The following DCC variants were observed in gnomAD, a reference collection of about 807,000 sequenced individuals.
DCC encodes netrin receptor DCC.
Under a neutral mutation model 172.5 loss-of-function variants are expected in DCC, and 58 were observed. The ratio of observed to expected loss-of-function variants is 0.34; its 90% CI spans 0.27 to 0.42. The LOEUF is 0.42. Ranked by LOEUF, DCC falls within the 10% of genes least tolerant of loss-of-function variation. The pLI is 1.00. For synonymous variants in DCC, 709 were observed against 644.5 expected (o/e 1.10, Z -1.52); for missense variants, 1,740 against 1,791.0 (o/e 0.97, Z 0.51).
At position 52,990,550 on chromosome 18, in the gene DCC, A is replaced by C. The variant is rs1357860271; in HGVS notation, c.985+65180A>C. ...AGCAAAACTCCATCCCAAAAAAAAAAAAAAAAAAAAAAAAAAGCAAAGCTC... is the reference window on the plus strand; with the variant it reads ...AGCAAAACTCCATCCCAAAAAAAAACAAAAAAAAAAAAAAAAGCAAAGCTC... On this transcript the variant is annotated intron_variant, in intron 5 of 28. Transcript: ENST00000442544. 5.9e-5 allele frequency among the ~76,000 whole-genome samples: 6 copies of C among 101,070 alleles called. 1 individual carries two copies. Among genetic ancestry groups the C allele is most frequent in the Admixed American group, 3.3e-4 (4 of 11,980 alleles). The allele number at this position is 101,070 out of a possible 152,430, so 66.3% of individuals were successfully genotyped here.
At chr18:53,453,161 C>G (rs570148450) in intron 23 of DCC, among the ~76,000 whole-genome samples, 3 of 152,068 alleles carry the variant, frequency 2.0e-5, no homozygotes, top group African/African-American at 7.2e-5. Context: ...ATGATCTGCC[C>G]GCCTCAGCCT....
At chr18:52,562,404 T>C (rs1367680237) in intron 1 of DCC, among the ~76,000 whole-genome samples, 2 of 152,298 alleles carry the variant, frequency 1.3e-5, no homozygotes, top group Non-Finnish European at 1.5e-5. Flanking sequence ...GGTCCCAGAT[T>C]CCTTACTTTA....
chr18:52,906,047 C>A lies in DCC; in HGVS notation c.416C>A (p.Pro139Gln). Residue 139 changes from proline to glutamine, a missense_variant, in exon 3 of 29, where the codon CCA (proline) becomes CAA (glutamine). Physicochemically the swap from Pro to Gln is moderately conservative, Grantham distance 76. Transcript: ENST00000442544. ...TCCTTCTTTGTTTTTCTCCTAGGACCACTGAGGTTCCTTTCACAGACAGAA... is the reference window on the plus strand; with the variant it reads ...TCCTTCTTTGTTTTTCTCCTAGGACAACTGAGGTTCCTTTCACAGACAGAA... ...SRTAKVAVAG[P>Q]LRFLSQTESV... The A allele has an allele frequency of 6.2e-7, 1 of 1,601,330 alleles. No homozygotes were observed. Among genetic ancestry groups the A allele is most frequent in the South Asian group, 1.1e-5 (1 of 90,808 alleles).
intron 1 of DCC, among the ~76,000 whole-genome samples, chr18:52,686,121 T>A (rs2035830066): frequency 6.6e-6 from 1 of 152,134 alleles, no homozygotes; most frequent in Non-Finnish European, 1.5e-5. Flanking sequence ...GAATTCTACT[T>A]CTGAGGCTTC....
chr18:52,507,225 A>G (rs2031262954), intron 1 of DCC, among the ~76,000 whole-genome samples: 3 of 152,178 alleles, frequency 2.0e-5, no homozygotes, highest in Non-Finnish European at 4.4e-5. Context: ...ATGTGAGCCA[A>G]TCAGGTTGAA....
chr18:52,751,214 G>A (rs558503904), intron 1 of DCC, among the ~76,000 whole-genome samples: 3 of 152,188 alleles, frequency 2.0e-5, no homozygotes, highest in Non-Finnish European at 4.4e-5. Context: ...TGGAGCCAAT[G>A]ACCTCCTGAA....
rs182324322 is a variant in DCC, at chr18:53,523,307, C to T, written c.4112-3310C>T. On this transcript the variant is annotated intron_variant, in intron 27 of 28. Coordinates refer to ENST00000442544, the MANE Select transcript of DCC (RefSeq NM_005215.4). ...GTGGAGAAATAGGAACACTTTTACA[C>T]TGTTGGTGGGAGTGTAAATTAGTTC... Among the ~76,000 whole-genome samples, 39 of 152,272 alleles carry T rather than the reference C, an allele frequency of 2.6e-4. 1 individual carries two copies. Among genetic ancestry groups the T allele is most frequent in the South Asian group, 6.2e-4 (3 of 4,820 alleles).
At chr18:52,836,228 A>T (rs1469511014) in intron 2 of DCC, among the ~76,000 whole-genome samples, 1 of 152,168 alleles carries the variant, frequency 6.6e-6, no homozygotes, top group Non-Finnish European at 1.5e-5. Flanking sequence ...ACAAGATGAG[A>T]TTTGCATAGG....
chr18:53,052,710 C>G (rs1350070226), intron 5 of DCC, among the ~76,000 whole-genome samples: 1 of 152,084 alleles, frequency 6.6e-6, no homozygotes, highest in African/African-American at 2.4e-5. Flanking sequence ...CTGTCTCCTA[C>G]TCTTGTTTGT....
chr18:52,411,115 G>A (rs1416662377), intron 1 of DCC, among the ~76,000 whole-genome samples: 1 of 152,002 alleles, frequency 6.6e-6, no homozygotes, highest in Non-Finnish European at 1.5e-5. Flanking sequence ...TTTATTCTTA[G>A]CGGTAAACTT....
chr18:52,518,745 C>T (rs552072562), intron 1 of DCC, among the ~76,000 whole-genome samples: 1 of 152,330 alleles, frequency 6.6e-6, no homozygotes, highest in African/African-American at 2.4e-5. Flanking sequence ...TAAAACCATT[C>T]TTTGCTCATA....
intron 24 of DCC, among the ~76,000 whole-genome samples, chr18:53,460,056 G>GAAAAAAAAA (rs55871112): frequency 1.3e-5 from 1 of 75,984 alleles, no homozygotes; most frequent in African/African-American, 4.8e-5. Flanking sequence ...AAAGGGATCT[G>GAAAAAAAAA]AAAAAAAAAA....
intron 8 of DCC, among the ~76,000 whole-genome samples, chr18:53,158,103 A>G (rs952829642): frequency 6.6e-6 from 1 of 151,714 alleles, no homozygotes; most frequent in Non-Finnish European, 1.5e-5. Context: ...ATGTACATCT[A>G]TTATGTCCCC....
At chr18:53,250,722 A>G (rs1033154214) in intron 12 of DCC, among the ~76,000 whole-genome samples, 1 of 151,604 alleles carries the variant, frequency 6.6e-6, no homozygotes, top group African/African-American at 2.4e-5. Context: ...TTTTCACTGG[A>G]CTGTAATCAA....
chr18:52,537,679 A>C (rs896493968), intron 1 of DCC, among the ~76,000 whole-genome samples: 1 of 152,204 alleles, frequency 6.6e-6, no homozygotes. Flanking sequence ...GAATGAAAGG[A>C]AATAACACAA....
intron 2 of DCC, among the ~76,000 whole-genome samples, chr18:52,786,632 A>G (rs1158766153): frequency 6.6e-6 from 1 of 152,120 alleles, no homozygotes; most frequent in Middle Eastern, 3.2e-3. Flanking sequence ...AGGACCTTTT[A>G]AAGCTGAGCC....
intron 1 of DCC, among the ~76,000 whole-genome samples, chr18:52,525,661 T>G (rs886152111): frequency 2.0e-5 from 3 of 152,188 alleles, no homozygotes; most frequent in Admixed American, 6.5e-5. Flanking sequence ...TTTTTAAATA[T>G]GGTTGATTAA....
chr18:52,845,605 A>T lies in DCC; in HGVS notation c.413-60439A>T, dbSNP rs761803394. Among the ~76,000 whole-genome samples the T allele has an allele frequency of 7.2e-4, 109 of 152,346 alleles. 4 individuals carry two copies. Among genetic ancestry groups the T allele is most frequent in the Middle Eastern group, 6.8e-3 (2 of 294 alleles). On this transcript the variant is annotated intron_variant, in intron 2 of 28. Coordinates refer to ENST00000442544, the MANE Select transcript of DCC (RefSeq NM_005215.4). ...CTGAAAACAGTGGGAGGCCTCAGGG[A>T]TCATGCCCAAGTTCAAGGTACCATG... is the stretch of plus-strand genomic sequence containing the variant.
chr18:53,506,505 A>G (rs959659188), intron 27 of DCC, among the ~76,000 whole-genome samples: 5 of 152,162 alleles, frequency 3.3e-5, no homozygotes, highest in African/African-American at 4.8e-5. Context: ...GTTTATTTTT[A>G]TGAAAATAAA....
Sources: allele counts gnomAD v4.1 joint callset (sites outside exome capture counted in the v4.1 genomes callset), GRCh38; gene constraint gnomAD v4.1.1; transcripts MANE v1.5; gene names NCBI Gene and HGNC (gene_info 2026-07-23, HGNC 2026-07-21).